The following CDRT4 variants were observed in gnomAD, a reference collection of about 807,000 sequenced individuals.
CDRT4 encodes the protein CMT1A duplicated region transcript 4 protein.
For synonymous variants in CDRT4, 64 were observed against 69.6 expected (o/e 0.92, Z 0.40); for missense variants, 167 against 193.1 (o/e 0.87, Z 0.80).
At chr17:15,439,281 AAAATGCCGT>A in intron 3 of CDRT4, 1 of 421,180 alleles carries the variant, frequency 2.4e-6, no homozygotes, top group African/African-American at 2.1e-5. Flanking sequence ...GTTAAAAAAA[AAAATGCCGT>A]AAATGGGGAT....
rs540788944 is a variant in CDRT4, at chr17:15,457,070, G to A, written c.-129-3985C>T. ...CTTCCAGTCCAACATCTCAGCCCTCGCGCTACTTTGCCTCTGTACCTCGGT... is the reference window on the plus strand; with the variant it reads ...CTTCCAGTCCAACATCTCAGCCCTCACGCTACTTTGCCTCTGTACCTCGGT... On this transcript the variant is annotated intron_variant, in intron 1 of 3. Transcript: ENST00000619038. Among the ~76,000 whole-genome samples the A allele has an allele frequency of 7.9e-5, 12 of 152,132 alleles. No individual in the cohort carries two copies. In the South Asian group the frequency reaches 8.3e-4, roughly 11 times the overall value.
intron 1 of CDRT4, among the ~76,000 whole-genome samples, chr17:15,454,735 T>TA (rs529018579): frequency 1.3e-5 from 2 of 152,174 alleles, no homozygotes; most frequent in South Asian, 4.2e-4. Flanking sequence ...GGCTGTAGGG[T>TA]AGAGCACAGA....
chr17:15,457,905 C>A (rs1172839864), intron 1 of CDRT4, among the ~76,000 whole-genome samples: 1 of 152,204 alleles, frequency 6.6e-6, no homozygotes, highest in Non-Finnish European at 1.5e-5. Flanking sequence ...CCCTCTGTTC[C>A]CCCACAGGAC....
At position 15,438,109 on chromosome 17, in the gene CDRT4, T is replaced by C. The variant is rs1247988430; in HGVS notation, c.123A>G (p.Lys41=). The C allele has an allele frequency of 6.2e-6, 10 of 1,614,172 alleles. No individual in the cohort carries two copies. Among genetic ancestry groups the C allele is most frequent in the Non-Finnish European group, 8.5e-6 (10 of 1,180,016 alleles). The change falls in exon 4 of 4, where the codon AAA becomes AAG. Residue 41 remains lysine (K), a synonymous_variant. Coordinates refer to ENST00000619038, the MANE Select transcript of CDRT4 (RefSeq NM_001204477.2). ...TAGTTTTGCTTTTCTCAATGAGTCT[T>C]TTCACTGTCTGAGAGGTATAGGTGA... The part of the protein sequence containing the change: ...AYVTYTSQTV[K]RLIEKSKTRE...
chr17:15,456,585 C>A (rs1040475269), intron 1 of CDRT4, among the ~76,000 whole-genome samples: 1 of 151,902 alleles, frequency 6.6e-6, no homozygotes, highest in Non-Finnish European at 1.5e-5. Flanking sequence ...CACACACACA[C>A]ACACACACAC....
intron 1 of CDRT4, among the ~76,000 whole-genome samples, chr17:15,457,206 G>A (rs1475249070): frequency 6.6e-6 from 1 of 152,172 alleles, no homozygotes; most frequent in Non-Finnish European, 1.5e-5. Context: ...CCAGGAAATG[G>A]AATGTACTGA....
At chr17:15,454,735 T>C (rs1213823277) in intron 1 of CDRT4, among the ~76,000 whole-genome samples, 1 of 152,056 alleles carries the variant, frequency 6.6e-6, no homozygotes, top group Non-Finnish European at 1.5e-5. Context: ...GGCTGTAGGG[T>C]AGAGCACAGA....
At chr17:15,446,167 C>A (rs1194734170) in intron 2 of CDRT4, among the ~76,000 whole-genome samples, 1 of 152,136 alleles carries the variant, frequency 6.6e-6, no homozygotes, top group African/African-American at 2.4e-5. Flanking sequence ...AAGAGACCCA[C>A]AAAACTGCCC....
chr17:15,466,787 T>G (rs1030847010), intron 1 of CDRT4, among the ~76,000 whole-genome samples: 3 of 152,282 alleles, frequency 2.0e-5, no homozygotes, highest in South Asian at 4.1e-4. Context: ...TAGGCTGGTC[T>G]TGAGTTCTCG....
chr17:15,443,191 C>A (rs535313541), intron 2 of CDRT4, among the ~76,000 whole-genome samples: 7 of 152,206 alleles, frequency 4.6e-5, no homozygotes, highest in African/African-American at 1.7e-4. Context: ...CCTTCCTTAA[C>A]TTCTTAGGAC....
chr17:15,458,935 A>C (rs1315394477), intron 1 of CDRT4, among the ~76,000 whole-genome samples: 1 of 152,128 alleles, frequency 6.6e-6, no homozygotes, highest in Admixed American at 6.5e-5. Flanking sequence ...ATCTATTTTC[A>C]CAAGCCTTCC....
rs59035063 is a variant in CDRT4, at chr17:15,450,574, CTTTTT to C, written c.-48+2425_-48+2429del. Among the ~76,000 whole-genome samples, 2 of 146,116 alleles carry C rather than the reference CTTTTT, an allele frequency of 1.4e-5. No homozygotes were observed. Among genetic ancestry groups the C allele is most frequent in the Non-Finnish European group, 3.0e-5 (2 of 65,986 alleles). On this transcript the variant is annotated intron_variant, in intron 2 of 3. Transcript: ENST00000619038. The surrounding 1 kb of genome is among the most constrained non-coding windows in gnomAD (Gnocchi z 4.2). ...TCCATTGAGGATTTCTAGTTCCCTT[CTTTTT>C]TTTTTTTTATTTCCACACATCCCCA... is the stretch of plus-strand genomic sequence containing the variant.
At chr17:15,461,943 T>C (rs1979767587) in intron 1 of CDRT4, among the ~76,000 whole-genome samples, 1 of 152,204 alleles carries the variant, frequency 6.6e-6, no homozygotes, top group Non-Finnish European at 1.5e-5. Flanking sequence ...ATTTCAATAT[T>C]GCTGAAGCAT....
rs371626202 is a variant in CDRT4, at chr17:15,440,285, C to A, written c.-47G>T. 1.2e-6 allele frequency: 2 copies of A among 1,610,978 alleles called. No individual in the cohort carries two copies. Among genetic ancestry groups the A allele is most frequent in the African/African-American group, 2.7e-5 (2 of 74,898 alleles). On this transcript the variant is annotated splice_region_variant and 5_prime_UTR_variant, in exon 3 of 4. Coordinates refer to ENST00000619038, the MANE Select transcript of CDRT4 (RefSeq NM_001204477.2). ...TTTCTTAACATCACAGGTTCAGATT[C>A]CTATGGGAAAATACACTTGTTAGCC...
intron 2 of CDRT4, among the ~76,000 whole-genome samples, chr17:15,449,217 C>T (rs950558848): frequency 5.3e-5 from 8 of 152,156 alleles, no homozygotes; most frequent in African/African-American, 1.2e-4. Context: ...ATTTCTATGC[C>T]GTGTGGTGTG....
At chr17:15,444,025 G>C (rs947755701) in intron 2 of CDRT4, 12 of 813,852 alleles carry the variant, frequency 1.5e-5, no homozygotes, top group Middle Eastern at 3.6e-4. Context: ...AGTGTTGCCT[G>C]TTCAGTATCT....
chr17:15,444,581 G>A (rs1009296219), intron 2 of CDRT4, among the ~76,000 whole-genome samples: 4 of 152,104 alleles, frequency 2.6e-5, no homozygotes, highest in East Asian at 1.9e-4. Flanking sequence ...AACCGGGCGC[G>A]GTGGCTCACA....
At chr17:15,444,652 G>A (rs1037262378) in intron 2 of CDRT4, among the ~76,000 whole-genome samples, 1 of 151,926 alleles carries the variant, frequency 6.6e-6, no homozygotes, top group African/African-American at 2.4e-5. Context: ...AGGAGTTCGA[G>A]GCCAGTCTGG....
chr17:15,459,003 C>CA (rs544228238), intron 1 of CDRT4, among the ~76,000 whole-genome samples: 27 of 152,268 alleles, frequency 1.8e-4, no homozygotes, highest in Non-Finnish European at 3.2e-4. Context: ...GTCACTGCCT[C>CA]ACTTGGTAAT....
Sources: gnomAD v4.1 joint callset for allele counts (sites outside exome capture counted in the v4.1 genomes callset) on GRCh38, gnomAD v4.1.1 for gene constraint, Gnocchi (gnomAD v3.1) non-coding constraint, MANE v1.5 for transcripts, NCBI Gene and HGNC (gene_info 2026-07-23, HGNC 2026-07-21) for gene names.